Variants in PPARD observed in about 807,000 individuals in gnomAD.
The protein encoded by PPARD is peroxisome proliferator-activated receptor delta.
In PPARD, 6 loss-of-function variants were observed where a neutral mutation model predicts 39.5. That is an observed-to-expected ratio of 0.15 (90% CI 0.08 to 0.30). PPARD has a LOEUF of 0.30. Among genes scored for constraint, PPARD ranks in the 10% least tolerant of loss-of-function variants. PPARD has a pLI of 1.00. For synonymous variants in PPARD, 210 were observed against 231.3 expected, an observed-to-expected ratio of 0.91 and a Z score of 0.83; for missense variants, 397 against 596.8, an observed-to-expected ratio of 0.67 and a Z score of 3.49.
At chr6:35,353,781 G>A (rs1582278699) in intron 2 of PPARD, among the ~76,000 whole-genome samples, 1 of 152,174 alleles carries the variant, frequency 6.6e-6, no homozygotes, top group East Asian at 1.9e-4. Flanking sequence ...ACTTGAAGCT[G>A]AGAGAAGGCT....
intron 4 of PPARD, among the ~76,000 whole-genome samples, chr6:35,421,309 GTT>G (rs111495656): frequency 2.7e-5 from 2 of 74,930 alleles, no homozygotes; most frequent in East Asian, 4.8e-4. Context: ...AAATAGTTGT[GTT>G]TTTTTTTTGT....
chr6:35,421,521 G>A (rs531140832), intron 4 of PPARD, among the ~76,000 whole-genome samples: 1 of 144,482 alleles, frequency 6.9e-6, no homozygotes, highest in Non-Finnish European at 1.5e-5. Context: ...TGTATTTTTA[G>A]TAGAGACGGG....
At position 35,401,532 on chromosome 6, in the gene PPARD, C is replaced by CCTCTTCT. The variant is rs756124703; in HGVS notation, c.-101-9451_-101-9450insTCTCTCT. ...GCTTACCCTTCAAGACGCTGAGTGA[C>CCTCTTCT]CTCTAGCCACAGCCCTTCTCTCTAC... is the stretch of plus-strand genomic sequence containing the variant. On this transcript the variant is annotated intron_variant, in intron 2 of 7. Coordinates refer to ENST00000360694, the MANE Select transcript of PPARD (RefSeq NM_006238.5). The surrounding 1 kb of genome is among the most constrained non-coding windows in gnomAD (Gnocchi z 4.1). Among the ~76,000 whole-genome samples, 3 of 152,172 alleles carry CCTCTTCT rather than the reference C, an allele frequency of 2.0e-5. No homozygotes were observed. Among genetic ancestry groups the CCTCTTCT allele is most frequent in the Non-Finnish European group, 2.9e-5 (2 of 68,044 alleles).
At chr6:35,420,101 G>A in intron 3 of PPARD, 26 bp from the exon 4 acceptor site, 1 of 1,605,442 alleles carries the variant, frequency 6.2e-7, no homozygotes, top group Non-Finnish European at 8.5e-7. Flanking sequence ...AGCATGTGGA[G>A]CTGCCCCTCC....
chr6:35,387,278 C>T (rs953235160), intron 2 of PPARD, among the ~76,000 whole-genome samples: 4 of 152,280 alleles, frequency 2.6e-5, no homozygotes, highest in South Asian at 2.1e-4. Flanking sequence ...GCAGCATCTG[C>T]GTGGCTTCTG....
intron 2 of PPARD, among the ~76,000 whole-genome samples, chr6:35,354,253 A>AAG (rs1430804249): frequency 6.7e-6 from 1 of 149,414 alleles, no homozygotes; most frequent in Non-Finnish European, 1.5e-5. Context: ...AAAAAAAAAA[A>AAG]GCGATACACA....
intron 2 of PPARD, among the ~76,000 whole-genome samples, chr6:35,383,974 A>G (rs1235262428): frequency 9.9e-5 from 12 of 121,216 alleles, no homozygotes; most frequent in Admixed American, 1.5e-4. Flanking sequence ...CAGCAGCCCC[A>G]TCCGGGAGGG....
rs1194515695 is a variant in PPARD at position 35,401,040 on chromosome 6, G to A, written c.-101-9947G>A. On this transcript the variant is annotated intron_variant, in intron 2 of 7. Coordinates refer to ENST00000360694, the MANE Select transcript of PPARD (RefSeq NM_006238.5). The surrounding 1 kb of genome is among the most constrained non-coding windows in gnomAD (Gnocchi z 4.1). Reference sequence around the variant, plus strand: ...CCCAGATACCTGTGTTTGTATGTGTGTGTCATAGTCGGGAATCACTGAGAC... The same window carrying A: ...CCCAGATACCTGTGTTTGTATGTGTATGTCATAGTCGGGAATCACTGAGAC... Among the ~76,000 whole-genome samples the A allele has an allele frequency of 1.3e-5, 2 of 152,182 alleles. No individual in the cohort carries two copies. The highest frequency in any genetic ancestry group is 2.9e-5 in the Non-Finnish European group (2 of 68,046).
At chr6:35,386,226 A>G (rs1272972861) in intron 2 of PPARD, among the ~76,000 whole-genome samples, 2 of 150,460 alleles carry the variant, frequency 1.3e-5, no homozygotes, top group South Asian at 2.1e-4. Flanking sequence ...AATGCTTTGT[A>G]TTTGTAGTTC....
At chr6:35,374,305 C>T (rs571394858) in intron 2 of PPARD, among the ~76,000 whole-genome samples, 3 of 115,196 alleles carry the variant, frequency 2.6e-5, no homozygotes, top group South Asian at 2.2e-4. Context: ...TAGTTCTCGG[C>T]GGTGGGGCGG....
intron 2 of PPARD, among the ~76,000 whole-genome samples, chr6:35,394,732 C>G (rs1447469372): frequency 1.3e-5 from 2 of 151,352 alleles, no homozygotes; most frequent in Non-Finnish European, 2.9e-5. Context: ...GATCATGCCA[C>G]TGTACTCCAA....
intron 2 of PPARD, among the ~76,000 whole-genome samples, chr6:35,393,776 C>T (rs1459775268): frequency 1.3e-5 from 2 of 152,194 alleles, no homozygotes; most frequent in Non-Finnish European, 1.5e-5. Flanking sequence ...TTCTTCCTTT[C>T]CTTTCTTGGG....
chr6:35,421,791 C>A (rs200953153), intron 4 of PPARD, 29 bp from the exon 5 acceptor site: 2 of 1,581,164 alleles, frequency 1.3e-6, no homozygotes, highest in South Asian at 1.1e-5. Context: ...CTCCTGGTGG[C>A]CTTTCCTCAC....
intron 2 of PPARD, among the ~76,000 whole-genome samples, chr6:35,383,832 G>T (rs1307608257): frequency 6.9e-6 from 1 of 145,394 alleles, no homozygotes. Context: ...CCTCCACCCG[G>T]CAGCTGCCCC....
chr6:35,361,745 T>C (rs1761937789), intron 2 of PPARD, among the ~76,000 whole-genome samples: 2 of 152,246 alleles, frequency 1.3e-5, no homozygotes, highest in Admixed American at 1.3e-4. Context: ...ACCTTATGTT[T>C]AGTTTTACAC....
chr6:35,384,234 C>T (rs865965705), intron 2 of PPARD, among the ~76,000 whole-genome samples: 10 of 125,478 alleles, frequency 8.0e-5, no homozygotes, highest in Admixed American at 1.6e-4. Flanking sequence ...GCCCCCCGCC[C>T]GGCCAGCCGC....
At chr6:35,423,799 C>T (rs1012365932) in intron 5 of PPARD, 147 bp from the exon 6 acceptor site, 10 of 671,376 alleles carry the variant, frequency 1.5e-5, no homozygotes, top group Non-Finnish European at 2.5e-5. Context: ...GAGGGGCCAC[C>T]CCATCATTCC....
chr6:35,384,761 C>A (rs1763481060), intron 2 of PPARD, among the ~76,000 whole-genome samples: 1 of 55,320 alleles, frequency 1.8e-5, no homozygotes, highest in Non-Finnish European at 3.4e-5. Context: ...CTCTGCCCGG[C>A]CAGCCGCCCC....
At chr6:35,408,135 T>G (rs1765176308) in intron 2 of PPARD, among the ~76,000 whole-genome samples, 1 of 152,210 alleles carries the variant, frequency 6.6e-6, no homozygotes, top group Admixed American at 6.5e-5. Context: ...CTTCTGCTGC[T>G]CCGAAGGCAG....
Sources: gnomAD v4.1 joint callset for allele counts (sites outside exome capture counted in the v4.1 genomes callset) on GRCh38, gnomAD v4.1.1 for gene constraint, Gnocchi (gnomAD v3.1) non-coding constraint, MANE v1.5 for transcripts, NCBI Gene and HGNC (gene_info 2026-07-23, HGNC 2026-07-21) for gene names.